The following RAB3B variants were observed in gnomAD, a reference collection of about 807,000 sequenced individuals.
The protein encoded by RAB3B is ras-related protein Rab-3B.
RAB3B carries 11 observed loss-of-function variants against 20.5 expected under a neutral mutation model. That is an observed-to-expected ratio of 0.54 (90% CI 0.34 to 0.89). The LOEUF is 0.89. Among genes scored for constraint, RAB3B ranks in the 40% least tolerant of loss-of-function variants. The probability of loss-of-function intolerance (pLI) is 0.02; values close to 1 mark genes in which losing one functional copy is unlikely to be tolerated. For synonymous variants in RAB3B, 99 were observed against 106.3 expected (o/e 0.93, Z 0.42); for missense variants, 225 against 280.9 (o/e 0.80, Z 1.42).
chr1:51,974,584 T>G (rs1340353362), intron 2 of RAB3B, among the ~76,000 whole-genome samples: 1 of 152,216 alleles, frequency 6.6e-6, no homozygotes, highest in Admixed American at 6.5e-5. Context: ...TATCCCTATA[T>G]AATATTTGAC....
At chr1:51,975,985 C>A (rs1433445212) in intron 2 of RAB3B, among the ~76,000 whole-genome samples, 5 of 150,598 alleles carry the variant, frequency 3.3e-5, no homozygotes, top group Non-Finnish European at 5.9e-5. Context: ...GGACAAGACT[C>A]CGTCTTAAAA....
intron 2 of RAB3B, among the ~76,000 whole-genome samples, chr1:51,937,996 CTTTTTTTTT>C (rs77664152): frequency 1.1e-5 from 1 of 88,748 alleles, no homozygotes; most frequent in East Asian, 3.5e-4. Flanking sequence ...ATTTTTGTTT[CTTTTTTTTT>C]TTTTTTTTTT....
rs547262433 is a variant in RAB3B at position 51,959,117 on chromosome 1, G to A, written c.228+17773C>T. On this transcript the variant is annotated intron_variant, in intron 2 of 4. Coordinates refer to ENST00000371655, the MANE Select transcript of RAB3B (RefSeq NM_002867.4). ...GCTGGTTAGTATGGAAAGTTAAGGA[G>A]GGTCCTTAACTGCCACTGAGTTGCG... Among the ~76,000 whole-genome samples, 30 of 152,292 alleles carry A rather than the reference G, an allele frequency of 2.0e-4. 1 individual carries two copies. Among genetic ancestry groups the A allele is most frequent in the African/African-American group, 7.0e-4 (29 of 41,576 alleles).
chr1:51,980,655 CTA>C (rs1366443136), intron 1 of RAB3B: 1 of 757,210 alleles, frequency 1.3e-6, no homozygotes, highest in Non-Finnish European at 2.4e-6. Flanking sequence ...TCTTCGATGC[CTA>C]TGTGCTTCCC....
rs537429768 is a variant in RAB3B at position 51,981,056 on chromosome 1, G to A, written c.1-3939C>T. On this transcript the variant is annotated intron_variant, in intron 1 of 4. Transcript: ENST00000371655. ...TTTATTTTATTTTATTTTGAGACAGGGTCTCTCTCTGTCGCCCAGGCTGGA... is the reference window on the plus strand; with the variant it reads ...TTTATTTTATTTTATTTTGAGACAGAGTCTCTCTCTGTCGCCCAGGCTGGA... Among the ~76,000 whole-genome samples the A allele has an allele frequency of 2.6e-5, 4 of 151,782 alleles. No individual in the cohort carries two copies. The South Asian group carries it at 8.4e-4, about 32-fold the overall frequency.
chr1:51,957,918 G>C (rs1684732321), intron 2 of RAB3B, among the ~76,000 whole-genome samples: 1 of 152,240 alleles, frequency 6.6e-6, no homozygotes, highest in Non-Finnish European at 1.5e-5. Context: ...ACCGGTGGGG[G>C]AGGCCGGTAT....
intron 2 of RAB3B, among the ~76,000 whole-genome samples, chr1:51,953,163 A>T (rs544129209): frequency 6.6e-6 from 1 of 152,332 alleles, no homozygotes; most frequent in South Asian, 2.1e-4. Context: ...TTTGGCATGG[A>T]CAAATTTAGC....
Position 51,979,310 on chromosome 1 carries a change from G to A in RAB3B, c.1-2193C>T, listed in dbSNP as rs144546456. On this transcript the variant is annotated intron_variant, in intron 1 of 4. Coordinates refer to ENST00000371655, the MANE Select transcript of RAB3B (RefSeq NM_002867.4). ...TCTGAGATGGAGTCTTGCTCTTTTC[G>A]CCCAGGCTGGAGTGCAGTGGTGCAG... 4.9e-4 allele frequency among the ~76,000 whole-genome samples: 70 copies of A among 141,696 alleles called. No homozygotes were observed. The East Asian group carries it at 0.013, about 26-fold the overall frequency. The allele number at this position is 141,696 out of a possible 152,430, so 93.0% of individuals were successfully genotyped here.
intron 4 of RAB3B, among the ~76,000 whole-genome samples, chr1:51,924,467 T>C (rs1443951621): frequency 1.3e-5 from 2 of 152,066 alleles, no homozygotes; most frequent in African/African-American, 4.8e-5. Flanking sequence ...ATGTCTAGCA[T>C]AGCACAACAG....
chr1:51,958,943 T>C (rs895270832), intron 2 of RAB3B, among the ~76,000 whole-genome samples: 3 of 152,218 alleles, frequency 2.0e-5, no homozygotes, highest in African/African-American at 7.2e-5. Context: ...GCACTCACTT[T>C]CATTTTGCCA....
chr1:51,969,213 C>T (rs546675140), intron 2 of RAB3B, among the ~76,000 whole-genome samples: 1 of 152,306 alleles, frequency 6.6e-6, no homozygotes, highest in East Asian at 1.9e-4. Context: ...GGGAGGATTG[C>T]TTAAGCCCAG....
chr1:51,955,888 T>C (rs1296686384), intron 2 of RAB3B, among the ~76,000 whole-genome samples: 1 of 152,166 alleles, frequency 6.6e-6, no homozygotes, highest in Non-Finnish European at 1.5e-5. Flanking sequence ...CAAGTCACCA[T>C]AGCAGACGAG....
intron 1 of RAB3B, among the ~76,000 whole-genome samples, chr1:51,988,683 C>T (rs943310877): frequency 6.6e-6 from 1 of 152,184 alleles, no homozygotes; most frequent in Non-Finnish European, 1.5e-5. Flanking sequence ...AATCAACATT[C>T]ACCAAGCACC....
intron 2 of RAB3B, among the ~76,000 whole-genome samples, chr1:51,956,681 C>T (rs1048139054): frequency 6.6e-6 from 1 of 152,188 alleles, no homozygotes; most frequent in Non-Finnish European, 1.5e-5. Flanking sequence ...CCAAGGCAGT[C>T]GCTAATTACC....
At chr1:51,925,734 C>T (rs1244823498) in intron 4 of RAB3B, among the ~76,000 whole-genome samples, 1 of 152,216 alleles carries the variant, frequency 6.6e-6, no homozygotes, top group Non-Finnish European at 1.5e-5. Flanking sequence ...ATGTCTCTCT[C>T]CCCTGTACTC....
chr1:51,948,734 C>A (rs1383040249), intron 2 of RAB3B, among the ~76,000 whole-genome samples: 1 of 152,156 alleles, frequency 6.6e-6, no homozygotes, highest in East Asian at 1.9e-4. Flanking sequence ...GCTTTCCTGG[C>A]ACCATGAGCT....
intron 2 of RAB3B, among the ~76,000 whole-genome samples, chr1:51,970,927 C>T (rs940022701): frequency 9.5e-5 from 14 of 147,858 alleles, no homozygotes; most frequent in African/African-American, 3.5e-4. Flanking sequence ...AGGAGAATGG[C>T]GTGAACCCAG....
chr1:51,977,831 C>T (rs1685030117), intron 1 of RAB3B, among the ~76,000 whole-genome samples: 1 of 151,998 alleles, frequency 6.6e-6, no homozygotes, highest in Non-Finnish European at 1.5e-5. Context: ...AACATAGAAA[C>T]TTTCATGGCT....
Position 51,910,894 on chromosome 1 carries a change from A to G in RAB3B, c.*9033T>C, listed in dbSNP as rs996839704. 1.3e-5 allele frequency: 2 copies of G among 152,210 alleles called. No homozygotes were observed. Among genetic ancestry groups the G allele is most frequent in the Non-Finnish European group, 2.9e-5 (2 of 68,034 alleles). The allele number at this position is 152,210 out of a possible 1,614,324, so 9.4% of individuals were successfully genotyped here. On this transcript the variant is annotated 3_prime_UTR_variant, in exon 5 of 5. Coordinates refer to ENST00000371655, the MANE Select transcript of RAB3B (RefSeq NM_002867.4). Reference sequence around the variant, plus strand: ...GACTTGCTGATTTACTTTGCTGTCTATTAGCCTTTCTGTGACATGATTTTC... The same window carrying G: ...GACTTGCTGATTTACTTTGCTGTCTGTTAGCCTTTCTGTGACATGATTTTC...
Sources: gnomAD v4.1 joint callset for allele counts (sites outside exome capture counted in the v4.1 genomes callset) on GRCh38, gnomAD v4.1.1 for gene constraint, MANE v1.5 for transcripts, NCBI Gene and HGNC (gene_info 2026-07-23, HGNC 2026-07-21) for gene names.